Variants in EXT1 observed in about 807,000 individuals in gnomAD.
EXT1 encodes exostosin glycosyltransferase 1.
A neutral mutation model predicts 82.5 loss-of-function variants in EXT1; 20 were observed. The ratio of observed to expected loss-of-function variants is 0.24; its 90% CI spans 0.17 to 0.35. The LOEUF (loss-of-function observed/expected upper bound fraction) is 0.35. Among genes scored for constraint, EXT1 ranks in the 10% least tolerant of loss-of-function variants. The pLI, the probability that EXT1 is intolerant of heterozygous loss-of-function variation, is 1.00. For synonymous variants in EXT1, 348 were observed against 350.8 expected (o/e 0.99, Z 0.09); for missense variants, 757 against 936.5 (o/e 0.81, Z 2.50).
intron 1 of EXT1, among the ~76,000 whole-genome samples, chr8:117,980,901 C>T (rs1191080477): frequency 1.3e-5 from 2 of 151,988 alleles, no homozygotes; most frequent in East Asian, 3.9e-4. Flanking sequence ...CCCCATGCAG[C>T]GTGAGCACGG....
intron 1 of EXT1, among the ~76,000 whole-genome samples, chr8:118,104,734 C>A (rs1817778497): frequency 1.3e-5 from 2 of 152,290 alleles, no homozygotes; most frequent in South Asian, 4.1e-4. Context: ...CCAAAATGCT[C>A]ATGTCAGTGG....
At chr8:117,875,571 A>C (rs1255271342) in intron 1 of EXT1, among the ~76,000 whole-genome samples, 2 of 152,176 alleles carry the variant, frequency 1.3e-5, no homozygotes, top group Non-Finnish European at 2.9e-5. Flanking sequence ...CCAACTGCTA[A>C]TTCCACATGC....
intron 1 of EXT1, among the ~76,000 whole-genome samples, chr8:117,844,315 G>C (rs749238937): frequency 6.6e-6 from 1 of 151,814 alleles, no homozygotes; most frequent in Non-Finnish European, 1.5e-5. Flanking sequence ...ACCATGTCAA[G>C]CTAATTTTTA....
chr8:117,807,644 G>A (rs1823258613), intron 8 of EXT1, among the ~76,000 whole-genome samples: 1 of 152,108 alleles, frequency 6.6e-6, no homozygotes, highest in Non-Finnish European at 1.5e-5. Context: ...TAAAAATCCA[G>A]TCTGTTCAAG....
intron 1 of EXT1, among the ~76,000 whole-genome samples, chr8:117,873,831 A>C (rs779587403): frequency 1.4e-4 from 21 of 152,226 alleles, no homozygotes; most frequent in Non-Finnish European, 2.9e-4. Context: ...TTCAACATTC[A>C]TATAAAAAAT....
chr8:117,924,032 T>C (rs996663182), intron 1 of EXT1, among the ~76,000 whole-genome samples: 1 of 152,230 alleles, frequency 6.6e-6, no homozygotes, highest in East Asian at 1.9e-4. Flanking sequence ...GTCTGGCTAG[T>C]AGACTCTTGG....
intron 1 of EXT1, among the ~76,000 whole-genome samples, chr8:118,024,333 T>A (rs1344050756): frequency 2.0e-5 from 3 of 152,172 alleles, no homozygotes; most frequent in African/African-American, 7.2e-5. Flanking sequence ...AGAGAAAACA[T>A]GTGTTTGGAT....
chr8:117,988,312 A>AT (rs1169968149), intron 1 of EXT1, among the ~76,000 whole-genome samples: 4 of 152,194 alleles, frequency 2.6e-5, no homozygotes, highest in Non-Finnish European at 5.9e-5. Flanking sequence ...GGAAAATCAA[A>AT]TTTTCTAAAT....
intron 1 of EXT1, among the ~76,000 whole-genome samples, chr8:117,868,986 C>T (rs990857689): frequency 6.6e-6 from 1 of 152,112 alleles, no homozygotes; most frequent in African/African-American, 2.4e-5. Context: ...CCTGGGGCCC[C>T]CAGGACCTCC....
At chr8:118,094,568 A>C (rs2130006634) in intron 1 of EXT1, among the ~76,000 whole-genome samples, 1 of 152,372 alleles carries the variant, frequency 6.6e-6, no homozygotes, top group South Asian at 2.1e-4. Flanking sequence ...AGTGTTTACT[A>C]TGTTCCATGC....
intron 1 of EXT1, among the ~76,000 whole-genome samples, chr8:117,964,450 A>T (rs1814764349): frequency 6.6e-6 from 1 of 152,186 alleles, no homozygotes; most frequent in African/African-American, 2.4e-5. Context: ...AGGTTAATTA[A>T]ATCACCCAAA....
intron 1 of EXT1, among the ~76,000 whole-genome samples, chr8:117,978,693 G>C (rs549304453): frequency 6.6e-6 from 1 of 152,272 alleles, no homozygotes; most frequent in South Asian, 2.1e-4. Flanking sequence ...TTTTAGTTTT[G>C]ACCTAATGGT....
At chr8:117,978,933 A>G (rs143899846) in intron 1 of EXT1, among the ~76,000 whole-genome samples, 1 of 152,344 alleles carries the variant, frequency 6.6e-6, no homozygotes, top group East Asian at 1.9e-4. Context: ...GAAGAAACAG[A>G]AGGCCAGAGC....
intron 1 of EXT1, among the ~76,000 whole-genome samples, chr8:118,003,897 T>C (rs1815724450): frequency 6.6e-6 from 1 of 152,232 alleles, no homozygotes; most frequent in African/African-American, 2.4e-5. Context: ...TTCTACACTT[T>C]TGCTTTTAGC....
intron 1 of EXT1, among the ~76,000 whole-genome samples, chr8:117,917,044 C>G (rs1048523365): frequency 3.3e-5 from 5 of 152,116 alleles, no homozygotes; most frequent in African/African-American, 1.2e-4. Context: ...CTCTCTAGAT[C>G]TTACCAAAAT....
At chr8:117,929,748 G>T (rs1286822808) in intron 1 of EXT1, among the ~76,000 whole-genome samples, 1 of 152,166 alleles carries the variant, frequency 6.6e-6, no homozygotes, top group East Asian at 1.9e-4. Context: ...CTCTCAGCAT[G>T]GATATCTATC....
At chr8:117,824,115 T>C (rs554821757) in intron 4 of EXT1, among the ~76,000 whole-genome samples, 1 of 152,248 alleles carries the variant, frequency 6.6e-6, no homozygotes, top group South Asian at 2.1e-4. Context: ...TTTTTTGTTT[T>C]TTTCTTTTCA....
intron 7 of EXT1, among the ~76,000 whole-genome samples, chr8:117,813,696 A>C (rs1823372206): frequency 6.6e-6 from 1 of 152,186 alleles, no homozygotes; most frequent in Non-Finnish European, 1.5e-5. Context: ...TTAAAATGAG[A>C]AGTATACTGA....
intron 1 of EXT1, among the ~76,000 whole-genome samples, chr8:118,007,403 C>G (rs1160330437): frequency 6.6e-6 from 1 of 152,166 alleles, no homozygotes; most frequent in Non-Finnish European, 1.5e-5. Context: ...CAGTTACCAC[C>G]ATCCTAAGCA....
Sources: allele counts gnomAD v4.1 joint callset (sites outside exome capture counted in the v4.1 genomes callset), GRCh38; gene constraint gnomAD v4.1.1; transcripts MANE v1.5; gene names NCBI Gene and HGNC (gene_info 2026-07-23, HGNC 2026-07-21).